Variants in NSDHL observed in about 807,000 individuals in gnomAD.
NSDHL encodes NAD(P) dependent 3-beta-hydroxysteroid dehydrogenase NSDHL.
A neutral mutation model predicts 23.0 loss-of-function variants in NSDHL; 1 was observed. The ratio of observed to expected loss-of-function variants is 0.04; its 90% CI spans 0.02 to 0.21. NSDHL has a LOEUF of 0.21. Ranked by LOEUF, NSDHL falls within the 10% of genes least tolerant of loss-of-function variation. NSDHL has a pLI of 1.00. For synonymous variants in NSDHL, 128 were observed against 121.1 expected, an observed-to-expected ratio of 1.06 and a Z score of -0.37; for missense variants, 237 against 300.9, an observed-to-expected ratio of 0.79 and a Z score of 1.57.
At chrX:152,856,078 C>G (rs1208336423) in intron 3 of NSDHL, among the ~76,000 whole-genome samples, 2 of 111,952 alleles carry the variant, frequency 1.8e-5, no homozygotes, top group Non-Finnish European at 3.8e-5. Context: ...GTTTATGGTG[C>G]TGTAGTATTT....
intron 7 of NSDHL, among the ~76,000 whole-genome samples, chrX:152,868,573 A>G: frequency 8.9e-6 from 1 of 112,791 alleles, no homozygotes; most frequent in East Asian, 2.8e-4. Context: ...TCCAAGTGCA[A>G]TCTATGCTTC....
rs142573309 is a variant in NSDHL at position 152,868,026 on chromosome X, C to T, written c.789+353C>T. Among the ~76,000 whole-genome samples the T allele has an allele frequency of 6.8e-3, 762 of 111,321 alleles. 2 individuals are homozygous for T. Among genetic ancestry groups the T allele is most frequent in the African/African-American group, 0.022 (689 of 30,634 alleles). On this transcript the variant is annotated intron_variant, in intron 7 of 7. Transcript: ENST00000370274. Reference sequence around the variant, plus strand: ...TCCTCACCCTTTCTCCCACTCATTCCTCAGGTCTCTCCCTCCCTTGCTGTT... The same window carrying T: ...TCCTCACCCTTTCTCCCACTCATTCTTCAGGTCTCTCCCTCCCTTGCTGTT...
intron 3 of NSDHL, among the ~76,000 whole-genome samples, chrX:152,851,510 C>T (rs1602932971): frequency 9.0e-6 from 1 of 111,464 alleles, no homozygotes; most frequent in South Asian, 3.8e-4. Context: ...TGGTGTCATT[C>T]GCTATATGGT....
At chrX:152,844,061 C>G (rs1017808312) in intron 1 of NSDHL, among the ~76,000 whole-genome samples, 19 of 111,622 alleles carry the variant, frequency 1.7e-4, no homozygotes, top group African/African-American at 5.9e-4. Flanking sequence ...TGGAGAGAGT[C>G]CAAAGGCAGC....
At position 152,846,376 on chromosome X, in the gene NSDHL, T is replaced by G; in HGVS notation, c.52T>G (p.Leu18Val). ...GAGAGACCAAGTCGCACGGACTCAT[T>G]TGACAGAGGACACTCCCAAAGTGAA... ...PMRDQVARTH[L>V]TEDTPKVNAD... is the part of the protein sequence containing the mutation. Residue 18 changes from leucine to valine, a missense_variant, in exon 2 of 8, where the codon TTG becomes GTG. Coordinates refer to ENST00000370274, the MANE Select transcript of NSDHL (RefSeq NM_015922.3). The G allele has an allele frequency of 8.3e-7, 1 of 1,211,092 alleles. No individual in the cohort carries two copies. Among genetic ancestry groups the G allele is most frequent in the Non-Finnish European group, 1.1e-6 (1 of 894,788 alleles).
chrX:152,855,182 AC>A (rs781833638), intron 3 of NSDHL, among the ~76,000 whole-genome samples: 1 of 108,773 alleles, frequency 9.2e-6, no homozygotes, highest in Non-Finnish European at 1.9e-5. Context: ...CTTAGTAGAG[AC>A]AGGGTTTCAC....
chrX:152,843,186 T>G (rs915142847), intron 1 of NSDHL, among the ~76,000 whole-genome samples: 4 of 112,368 alleles, frequency 3.6e-5, no homozygotes, highest in Admixed American at 1.9e-4. Context: ...TGTTTCTTCT[T>G]TGACCTCCTA....
intron 1 of NSDHL, among the ~76,000 whole-genome samples, chrX:152,837,367 T>C (rs1402628493): frequency 8.9e-6 from 1 of 111,838 alleles, no homozygotes; most frequent in Non-Finnish European, 1.9e-5. Flanking sequence ...GACCCCTCTC[T>C]TGTGCCAGTT....
intron 3 of NSDHL, among the ~76,000 whole-genome samples, chrX:152,855,020 A>T (rs1448086491): frequency 1.0e-5 from 1 of 99,838 alleles, no homozygotes; most frequent in Non-Finnish European, 2.0e-5. Flanking sequence ...TTTGAGACGG[A>T]GTCTTGCGCT....
At chrX:152,848,357 A>G (rs1933306312) in intron 2 of NSDHL, among the ~76,000 whole-genome samples, 1 of 112,360 alleles carries the variant, frequency 8.9e-6, no homozygotes. Flanking sequence ...ACACAGCATT[A>G]TAGGTATGAT....
intron 3 of NSDHL, among the ~76,000 whole-genome samples, chrX:152,851,442 G>A (rs782236580): frequency 8.8e-4 from 98 of 111,476 alleles, no homozygotes; most frequent in African/African-American, 3.0e-3. Context: ...TCCTGTGCCC[G>A]TTGTACTTAT....
chrX:152,847,132 T>C (rs1186115996), intron 2 of NSDHL, among the ~76,000 whole-genome samples: 2 of 110,986 alleles, frequency 1.8e-5, no homozygotes, highest in African/African-American at 6.6e-5. Context: ...TGAAACCCCA[T>C]CTCTACTGAA....
At position 152,863,051 on chromosome X, in the gene NSDHL, A is replaced by T. The variant is rs1056134822; in HGVS notation, c.543+327A>T. 1.0e-4 allele frequency among the ~76,000 whole-genome samples: 11 copies of T among 110,200 alleles called. No homozygotes were observed. In the East Asian group the frequency reaches 3.2e-3, roughly 32 times the overall value. On this transcript the variant is annotated intron_variant, in intron 5 of 7. Coordinates refer to ENST00000370274, the MANE Select transcript of NSDHL (RefSeq NM_015922.3). ...GTGGCAGGCGCCTGTAATCCTAGCC[A>T]CTTGGGAGGCTGAGGTATGAGAATT...
intron 7 of NSDHL, 24 bp downstream of exon 7, chrX:152,867,697 TG>T (rs782048836): frequency 9.6e-7 from 1 of 1,039,021 alleles, no homozygotes; most frequent in Non-Finnish European, 1.4e-6. Context: ...CACCGGTCCC[TG>T]CACAGGTGCC....
intron 7 of NSDHL, among the ~76,000 whole-genome samples, 192 bp downstream of exon 7, chrX:152,867,865 C>T (rs1933633318): frequency 9.0e-6 from 1 of 111,579 alleles, no homozygotes; most frequent in Admixed American, 9.5e-5. Context: ...CTTGGGCAGC[C>T]AAATTTGGAG....
At chrX:152,846,631 C>T (rs1933278771) in intron 2 of NSDHL, among the ~76,000 whole-genome samples, 199 bp downstream of exon 2, 1 of 112,834 alleles carries the variant, frequency 8.9e-6, no homozygotes, top group African/African-American at 3.2e-5. Context: ...CATTTCTTTG[C>T]TTATGACTGT....
intron 1 of NSDHL, among the ~76,000 whole-genome samples, chrX:152,833,481 C>G (rs1189289074): frequency 9.0e-6 from 1 of 110,622 alleles, no homozygotes; most frequent in Non-Finnish European, 1.9e-5. Context: ...TCTTTCCCCC[C>G]TTGTAACTCC....
Position 152,831,065 on chromosome X carries a change from T to G in NSDHL, c.-96T>G. 1 of 311,725 alleles carries G rather than the reference T, an allele frequency of 3.2e-6. No individual in the cohort carries two copies. The highest frequency in any genetic ancestry group is 1.2e-4 in the South Asian group (1 of 8,278). The allele number at this position is 311,725 out of a possible 1,213,427, so 25.7% of individuals were successfully genotyped here. On this transcript the variant is annotated 5_prime_UTR_variant, in exon 1 of 8. Transcript: ENST00000370274. ...GTGGCGGTCCGGGCCTGGAGTTCAG[T>G]GGGTGCAGCCTGCTTGCGAGCTGAG... is the stretch of plus-strand genomic sequence containing the variant.
rs138631276 is a variant in NSDHL, at chrX:152,845,268, G to A, written c.-43-1014G>A. Among the ~76,000 whole-genome samples, 824 of 111,721 alleles carry A rather than the reference G, an allele frequency of 7.4e-3. 3 individuals are homozygous for A. Among genetic ancestry groups the A allele is most frequent in the Middle Eastern group, 0.014 (3 of 218 alleles). On this transcript the variant is annotated intron_variant, in intron 1 of 7. Coordinates refer to ENST00000370274, the MANE Select transcript of NSDHL (RefSeq NM_015922.3). ...AGGAGTGTAAAATTCGAGGTGTGGG[G>A]TTGGATTGGAGCAATCACAGCAGGT...
Sources: allele counts gnomAD v4.1 joint callset (sites outside exome capture counted in the v4.1 genomes callset), GRCh38; gene constraint gnomAD v4.1.1; transcripts MANE v1.5; gene names NCBI Gene and HGNC (gene_info 2026-07-23, HGNC 2026-07-21).